The following ZMYND11 variants were observed in gnomAD, a reference collection of about 807,000 sequenced individuals.
ZMYND11 encodes zinc finger MYND domain-containing protein 11.
Under a neutral mutation model 84.9 loss-of-function variants are expected in ZMYND11, and 9 were observed. That is an observed-to-expected ratio of 0.11 (90% CI 0.06 to 0.18). The LOEUF (loss-of-function observed/expected upper bound fraction) is 0.18, where lower values mean the gene tolerates loss of function less well. Ranked by LOEUF, ZMYND11 falls within the 10% of genes least tolerant of loss-of-function variation. The pLI is 1.00. For synonymous variants in ZMYND11, 250 were observed against 244.1 expected (o/e 1.02, Z -0.23); for missense variants, 409 against 761.0 (o/e 0.54, Z 5.44).
chr10:185,528 C>A (rs1309615012), intron 2 of ZMYND11, among the ~76,000 whole-genome samples: 2 of 68,136 alleles, frequency 2.9e-5, no homozygotes, highest in African/African-American at 4.9e-5. Context: ...GGGGTGGGGG[C>A]GCGGGGTGGG....
At chr10:159,962 A>G (rs1842605338) in intron 1 of ZMYND11, among the ~76,000 whole-genome samples, 2 of 152,144 alleles carry the variant, frequency 1.3e-5, no homozygotes, top group African/African-American at 4.8e-5. Context: ...TCCAGTTCTG[A>G]TTCCTCTGAT....
intron 1 of ZMYND11, among the ~76,000 whole-genome samples, chr10:153,909 C>G (rs1408976477): frequency 6.6e-6 from 1 of 152,164 alleles, no homozygotes; most frequent in African/African-American, 2.4e-5. Context: ...AGCTGCCTTG[C>G]CTTCAAATTT....
At chr10:216,908 T>C (rs1395076239) in intron 3 of ZMYND11, among the ~76,000 whole-genome samples, 1 of 152,158 alleles carries the variant, frequency 6.6e-6, no homozygotes, top group Non-Finnish European at 1.5e-5. Flanking sequence ...ACTGGAAATA[T>C]GTAACCATCA....
chr10:213,033 T>TA (rs1346771357), intron 3 of ZMYND11, among the ~76,000 whole-genome samples: 1 of 152,188 alleles, frequency 6.6e-6, no homozygotes, highest in Non-Finnish European at 1.5e-5. Context: ...GAGGAGGACA[T>TA]ATAATTGTTT....
chr10:232,015 C>A (rs1402431294), intron 4 of ZMYND11, among the ~76,000 whole-genome samples: 1 of 152,176 alleles, frequency 6.6e-6, no homozygotes, highest in African/African-American at 2.4e-5. Context: ...GTTGAAGAAT[C>A]CTCAGGCCTG....
intron 2 of ZMYND11, among the ~76,000 whole-genome samples, chr10:200,761 T>C (rs1443348032): frequency 6.6e-6 from 1 of 152,166 alleles, no homozygotes. Flanking sequence ...CTTTACTACA[T>C]TGAGAATAAT....
chr10:136,493 C>CG (rs1250955648), intron 1 of ZMYND11, among the ~76,000 whole-genome samples: 1 of 152,068 alleles, frequency 6.6e-6, no homozygotes, highest in Admixed American at 6.5e-5. Context: ...TACCCGGTGT[C>CG]GTACCGGCTA....
intron 1 of ZMYND11, among the ~76,000 whole-genome samples, chr10:161,359 G>C (rs1842913921): frequency 1.3e-5 from 2 of 149,944 alleles, no homozygotes; most frequent in Non-Finnish European, 3.0e-5. Flanking sequence ...AGGCTTTGTT[G>C]CTCCATCTAC....
At chr10:196,038 C>G (rs906836440) in intron 2 of ZMYND11, among the ~76,000 whole-genome samples, 1 of 152,142 alleles carries the variant, frequency 6.6e-6, no homozygotes, top group Non-Finnish European at 1.5e-5. Flanking sequence ...TCCCTGATGA[C>G]GTATATCTCA....
At position 140,118 on chromosome 10, in the gene ZMYND11, TAC is replaced by T. The variant is rs571034761; in HGVS notation, c.-20+4564_-20+4565del. 4.5e-4 allele frequency among the ~76,000 whole-genome samples: 68 copies of T among 151,886 alleles called. No individual in the cohort carries two copies. In the South Asian group the frequency reaches 0.013, roughly 29 times the overall value. ...TATCCCAGACACACACACACACACA[TAC>T]ACACGCAGAAACAGAAGAGAAGTGG... On this transcript the variant is annotated intron_variant, in intron 1 of 14. Coordinates refer to ENST00000381604, the MANE Select transcript of ZMYND11 (RefSeq NM_001370100.5).
At chr10:200,040 A>G (rs949775455) in intron 2 of ZMYND11, among the ~76,000 whole-genome samples, 13 of 151,702 alleles carry the variant, frequency 8.6e-5, no homozygotes, top group African/African-American at 3.1e-4. Context: ...AAATAAGAAA[A>G]TACCTCAGAT....
At chr10:174,182 T>G (rs932150365) in intron 1 of ZMYND11, among the ~76,000 whole-genome samples, 3 of 152,226 alleles carry the variant, frequency 2.0e-5, no homozygotes, top group Admixed American at 1.3e-4. Flanking sequence ...GGATGAACTG[T>G]GTTATATGCA....
At position 201,277 on chromosome 10, in the gene ZMYND11, C is replaced by T. The variant is rs902938937; in HGVS notation, c.117-8612C>T. Among the ~76,000 whole-genome samples, 5 of 152,114 alleles carry T rather than the reference C, an allele frequency of 3.3e-5. No individual in the cohort carries two copies. The East Asian group carries it at 5.8e-4, about 18-fold the overall frequency. On this transcript the variant is annotated intron_variant, in intron 2 of 14. Coordinates refer to ENST00000381604, the MANE Select transcript of ZMYND11 (RefSeq NM_001370100.5). ...CATTGTAAAAGGCCTCTGGACTCCA[C>T]AGTGGTGTGAACTATTTATGAGGGA...
chr10:196,185 A>G (rs772648314), intron 2 of ZMYND11, among the ~76,000 whole-genome samples: 1 of 152,218 alleles, frequency 6.6e-6, no homozygotes, highest in Non-Finnish European at 1.5e-5. Flanking sequence ...TTTCTGTGCC[A>G]GATTATCAAA....
rs576714368 is a variant in ZMYND11, at chr10:218,893, T to G, written c.277-2302T>G. On this transcript the variant is annotated intron_variant, in intron 3 of 14. Transcript: ENST00000381604. Reference sequence around the variant, plus strand: ...ATAATCAACATGCCTGTATGATTCATCCCTCAGGAAAATGTTTCCTGGATT... The same window carrying G: ...ATAATCAACATGCCTGTATGATTCAGCCCTCAGGAAAATGTTTCCTGGATT... Among the ~76,000 whole-genome samples, 4 of 152,336 alleles carry G rather than the reference T, an allele frequency of 2.6e-5. 1 individual carries two copies. The South Asian group carries it at 8.3e-4, about 32-fold the overall frequency.
At chr10:168,022 A>G (rs1377867409) in intron 1 of ZMYND11, among the ~76,000 whole-genome samples, 1 of 152,122 alleles carries the variant, frequency 6.6e-6, no homozygotes, top group East Asian at 1.9e-4. Context: ...TTAACATCTC[A>G]GGTTTGGCTG....
At chr10:198,030 T>C in intron 2 of ZMYND11, 1 of 595,108 alleles carries the variant, frequency 1.7e-6, no homozygotes, top group South Asian at 2.2e-5. Flanking sequence ...AAAAAGTTGG[T>C]AAAATTTGGG....
intron 3 of ZMYND11, among the ~76,000 whole-genome samples, chr10:210,689 C>T (rs1945060778): frequency 6.6e-6 from 1 of 152,204 alleles, no homozygotes; most frequent in South Asian, 2.1e-4. Flanking sequence ...TCTTTCCTTT[C>T]ATTATGTACC....
chr10:249,224 G>T (rs1564468258), intron 14 of ZMYND11, 136 bp downstream of exon 14: 2 of 1,480,040 alleles, frequency 1.4e-6, no homozygotes, highest in Non-Finnish European at 1.8e-6. Context: ...GTCAGCTTTA[G>T]TTTTAAAAAT....
Sources: allele counts gnomAD v4.1 joint callset (sites outside exome capture counted in the v4.1 genomes callset), GRCh38; gene constraint gnomAD v4.1.1; transcripts MANE v1.5; gene names NCBI Gene and HGNC (gene_info 2026-07-23, HGNC 2026-07-21).